The following CALN1 variants were observed in gnomAD, a reference collection of about 807,000 sequenced individuals.
CALN1 encodes the protein calcium-binding protein 8.
CALN1 carries 17 observed loss-of-function variants against 30.6 expected under a neutral mutation model. The observed-to-expected ratio is 0.56, with a 90% CI of 0.38 to 0.83. The LOEUF (loss-of-function observed/expected upper bound fraction) is 0.83. Ranked by LOEUF, CALN1 falls within the 40% of genes least tolerant of loss-of-function variation. The probability of loss-of-function intolerance (pLI) is 0.00; values close to 1 mark genes in which losing one functional copy is unlikely to be tolerated. For missense variants in CALN1, 291 were observed against 354.9 expected, an observed-to-expected ratio of 0.82 and a Z score of 1.45; for synonymous variants, 156 against 131.4, an observed-to-expected ratio of 1.19 and a Z score of -1.28.
chr7:72,174,192 A>G (rs1186779420), intron 3 of CALN1, among the ~76,000 whole-genome samples: 5 of 152,206 alleles, frequency 3.3e-5, no homozygotes, highest in Non-Finnish European at 4.4e-5. Flanking sequence ...ACAGTTATAT[A>G]CCACCACACT....
At chr7:71,838,152 C>CA (rs928427266) in intron 5 of CALN1, among the ~76,000 whole-genome samples, 5 of 151,036 alleles carry the variant, frequency 3.3e-5, no homozygotes, top group Admixed American at 6.6e-5. Context: ...AAGTGCTCTT[C>CA]AAAAAAAGGA....
At chr7:72,084,594 C>G (rs949614404) in intron 4 of CALN1, among the ~76,000 whole-genome samples, 3 of 152,044 alleles carry the variant, frequency 2.0e-5, no homozygotes, top group Non-Finnish European at 4.4e-5. Context: ...CTTCTGACCT[C>G]ATGTGATCCA....
chr7:71,971,269 T>C (rs1232449469), intron 5 of CALN1, among the ~76,000 whole-genome samples: 1 of 152,082 alleles, frequency 6.6e-6, no homozygotes, highest in Non-Finnish European at 1.5e-5. Flanking sequence ...GCCAACATGG[T>C]GAAACCCCGT....
At position 72,005,671 on chromosome 7, in the gene CALN1, A is replaced by G. The variant is rs946875071; in HGVS notation, c.501+17986T>C. On this transcript the variant is annotated intron_variant, in intron 5 of 6. Transcript: ENST00000395275. The stretch of plus-strand genomic sequence containing the variant: ...GATACAACAATTTGAATGAATCTCA[A>G]GCATATTATGATGGAAGAAAAACGC... Among the ~76,000 whole-genome samples, 9 of 152,154 alleles carry G rather than the reference A, an allele frequency of 5.9e-5. No homozygotes were observed. In the South Asian group the frequency reaches 1.7e-3, roughly 28 times the overall value.
intron 3 of CALN1, among the ~76,000 whole-genome samples, chr7:72,224,276 T>G (rs1330772069): frequency 6.6e-6 from 1 of 151,946 alleles, no homozygotes. Context: ...GGAGGTAAAA[T>G]GCAAAGGAAA....
At chr7:72,233,645 G>A (rs1029579990) in intron 3 of CALN1, among the ~76,000 whole-genome samples, 1 of 152,180 alleles carries the variant, frequency 6.6e-6, no homozygotes, top group Non-Finnish European at 1.5e-5. Flanking sequence ...TTTGAGCCCA[G>A]GAGTTGGAGG....
chr7:72,336,808 C>A, intron 2 of CALN1: 4 of 984,972 alleles, frequency 4.1e-6, no homozygotes, highest in Non-Finnish European at 4.8e-6. Context: ...GGAATGGATG[C>A]GCCGAGCGGG....
intron 3 of CALN1, among the ~76,000 whole-genome samples, chr7:72,136,845 G>A (rs952158294): frequency 6.6e-6 from 1 of 152,188 alleles, no homozygotes; most frequent in Non-Finnish European, 1.5e-5. Flanking sequence ...GGTTGGTGGA[G>A]CAGTCAGAAC....
chr7:72,425,320 G>T (rs981544362), intron 1 of CALN1, among the ~76,000 whole-genome samples: 4 of 152,068 alleles, frequency 2.6e-5, no homozygotes, highest in Non-Finnish European at 5.9e-5. Flanking sequence ...CACCATGTTG[G>T]CCAGGCTGGT....
chr7:72,388,369 CA>C (rs199592264), intron 2 of CALN1, among the ~76,000 whole-genome samples: 1 of 150,526 alleles, frequency 6.6e-6, no homozygotes, highest in African/African-American at 2.5e-5. Flanking sequence ...AGGAAAAATG[CA>C]AAAAAAACAA....
At chr7:72,304,034 G>A (rs1008436216) in intron 2 of CALN1, among the ~76,000 whole-genome samples, 1 of 152,154 alleles carries the variant, frequency 6.6e-6, no homozygotes, top group African/African-American at 2.4e-5. Flanking sequence ...AAATGTAAAT[G>A]CCTGCCACTC....
intron 5 of CALN1, among the ~76,000 whole-genome samples, chr7:71,851,188 C>G (rs113828555): frequency 3.5e-5 from 5 of 141,696 alleles, no homozygotes; most frequent in African/African-American, 1.3e-4. Context: ...GCCTGGGCGA[C>G]AGAGAGAGAC....
chr7:71,878,705 G>C (rs534240685), intron 5 of CALN1, among the ~76,000 whole-genome samples: 11 of 152,332 alleles, frequency 7.2e-5, no homozygotes, highest in Admixed American at 5.9e-4. Flanking sequence ...CATGAAATGT[G>C]AGAAAGAGGT....
chr7:71,945,003 GT>G (rs1368516610), intron 5 of CALN1, among the ~76,000 whole-genome samples: 2 of 149,766 alleles, frequency 1.3e-5, no homozygotes, highest in African/African-American at 2.5e-5. Flanking sequence ...TGGAAGTGGG[GT>G]CTGGTGGGAG....
rs113907309 is a variant in CALN1 at position 72,245,233 on chromosome 7, A to T, written c.244+33453T>A. ...CCAGCCCCGCCCTGGTAAGGACAACATCATCTGAGCCACCAATTCCTAGGC... is the reference window on the plus strand; with the variant it reads ...CCAGCCCCGCCCTGGTAAGGACAACTTCATCTGAGCCACCAATTCCTAGGC... On this transcript the variant is annotated intron_variant, in intron 3 of 6. Coordinates refer to ENST00000395275, the MANE Select transcript of CALN1 (RefSeq NM_031468.4). Among the ~76,000 whole-genome samples, 758 of 152,254 alleles carry T rather than the reference A, an allele frequency of 5.0e-3. 4 individuals are homozygous for T. The highest frequency in any genetic ancestry group is 0.017 in the African/African-American group (717 of 41,544).
intron 5 of CALN1, among the ~76,000 whole-genome samples, chr7:71,888,561 T>G (rs1397158901): frequency 6.6e-6 from 1 of 151,326 alleles, no homozygotes; most frequent in Non-Finnish European, 1.5e-5. Context: ...AAGAAACGGC[T>G]AAAAAGTAGT....
chr7:72,420,173 C>A (rs1034623722), intron 1 of CALN1, among the ~76,000 whole-genome samples: 8 of 152,192 alleles, frequency 5.3e-5, no homozygotes, highest in Admixed American at 3.3e-4. Flanking sequence ...CTAACCCTAA[C>A]TCCCACCCTA....
chr7:72,451,095 G>A (rs1474106749), upstream of CALN1, among the ~76,000 whole-genome samples: 1 of 151,550 alleles, frequency 6.6e-6, no homozygotes, highest in Non-Finnish European at 1.5e-5. Flanking sequence ...GAAGGAGGAG[G>A]GGGAGGAGAA....
rs1281495950 is a variant in CALN1, at chr7:71,781,170, G to T, written c.*6605C>A. On this transcript the variant is annotated 3_prime_UTR_variant, in exon 7 of 7. Coordinates refer to ENST00000395275, the MANE Select transcript of CALN1 (RefSeq NM_031468.4). ...CATCTTGTTTCAGACAAAATAGATG[G>T]GAGGGCTTGTCTGGTTTACTTTTCC... 1 of 152,162 alleles carries T rather than the reference G, an allele frequency of 6.6e-6. No homozygotes were observed. Among genetic ancestry groups the T allele is most frequent in the Non-Finnish European group, 1.5e-5 (1 of 68,038 alleles). 9.4% of individuals were successfully genotyped at this position (152,162 alleles called of 1,614,324 possible).
Sources: allele counts gnomAD v4.1 joint callset (sites outside exome capture counted in the v4.1 genomes callset), GRCh38; gene constraint gnomAD v4.1.1; transcripts MANE v1.5; gene names NCBI Gene and HGNC (gene_info 2026-07-23, HGNC 2026-07-21).